Variants in FBXO22 observed in about 807,000 individuals in gnomAD.
The protein encoded by FBXO22 is F-box only protein 22.
A neutral mutation model predicts 37.2 loss-of-function variants in FBXO22; 13 were observed. The observed-to-expected ratio is 0.35, with a 90% confidence interval of 0.23 to 0.56. The LOEUF (loss-of-function observed/expected upper bound fraction) is 0.56, where lower values mean the gene tolerates loss of function less well. Ranked by LOEUF, FBXO22 falls within the 20% of genes least tolerant of loss-of-function variation. The probability of loss-of-function intolerance (pLI) is 0.87; values close to 1 mark genes in which losing one functional copy is unlikely to be tolerated. For synonymous variants in FBXO22, 189 were observed against 189.1 expected (o/e 1.00, Z 0.00); for missense variants, 446 against 509.9 (o/e 0.87, Z 1.21).
At chr15:75,904,361 C>G in intron 1 of FBXO22, 130 bp from the exon 2 acceptor site, 17 of 1,381,150 alleles carry the variant, frequency 1.2e-5, no homozygotes, top group Non-Finnish European at 1.7e-5. Flanking sequence ...TGACTGACAC[C>G]TACCTACCCC....
chr15:75,922,394 G>T (rs879340198), intron 5 of FBXO22, among the ~76,000 whole-genome samples: 1 of 152,168 alleles, frequency 6.6e-6, no homozygotes, highest in Non-Finnish European at 1.5e-5. Flanking sequence ...TTGCTGTAGG[G>T]GTTCTGCCAG....
At position 75,929,876 on chromosome 15, in the gene FBXO22, C is replaced by T. The variant is rs976174365; in HGVS notation, c.629-8C>T. The T allele has an allele frequency of 2.5e-6, 4 of 1,613,882 alleles. No individual in the cohort carries two copies. Among genetic ancestry groups the T allele is most frequent in the Non-Finnish European group, 3.4e-6 (4 of 1,179,852 alleles). The stretch of plus-strand genomic sequence containing the variant: ...TGTCTTTAACTGTTGCTCTTCATTT[C>T]TCTGCAGGTCTTTTAGATAACCCTG... On this transcript the variant is annotated splice_polypyrimidine_tract_variant and splice_region_variant and intron_variant, in intron 5 of 6. Transcript: ENST00000308275.
Position 75,938,610 on chromosome 15 carries a change from A to C in FBXO22, c.*5508A>C, listed in dbSNP as rs942709770. On this transcript the variant is annotated 3_prime_UTR_variant, in exon 7 of 7. Coordinates refer to ENST00000308275, the MANE Select transcript of FBXO22 (RefSeq NM_147188.3). ...GCATTATAAAAAAATTCTGGCAGAG[A>C]AAAGTATAATAAATGAAATTTTCAC... 1 of 152,224 alleles carries C rather than the reference A, an allele frequency of 6.6e-6. No individual in the cohort carries two copies. The highest frequency in any genetic ancestry group is 1.5e-5 in the Non-Finnish European group (1 of 68,038). 9.4% of individuals were successfully genotyped at this position (152,224 alleles called of 1,614,324 possible).
intron 4 of FBXO22, among the ~76,000 whole-genome samples, chr15:75,916,962 T>TA (rs1354966219): frequency 6.6e-6 from 1 of 152,244 alleles, no homozygotes; most frequent in Non-Finnish European, 1.5e-5. Flanking sequence ...AACAGCATGA[T>TA]AAATACCCAT....
chr15:75,906,581 G>C (rs888829751), intron 2 of FBXO22, among the ~76,000 whole-genome samples: 12 of 152,072 alleles, frequency 7.9e-5, no homozygotes, highest in Non-Finnish European at 1.5e-5. Flanking sequence ...CATTCTTAAT[G>C]TATTTAGATA....
chr15:75,911,899 T>C (rs1367363156), intron 2 of FBXO22, among the ~76,000 whole-genome samples: 1 of 148,256 alleles, frequency 6.7e-6, no homozygotes, highest in African/African-American at 2.5e-5. Flanking sequence ...TGGCTGTGGG[T>C]TTGTCATAAA....
intron 1 of FBXO22, 158 bp from the exon 2 acceptor site, chr15:75,904,333 T>C (rs2455895): frequency 1 from 1,181,190 of 1,186,986 alleles, 587,872 homozygotes; most frequent in East Asian, 1. Context: ...ATCTGGCTCT[T>C]CTTCCGAACT....
rs1248826722 is a variant in FBXO22, at chr15:75,917,157, T to A, written c.464-73T>A. ...TAGTGGCTTGTTAGCTTAATGATTATCTTAGTGACCTAAACTGTAGTTATC... is the reference window on the plus strand; with the variant it reads ...TAGTGGCTTGTTAGCTTAATGATTAACTTAGTGACCTAAACTGTAGTTATC... On this transcript the variant is annotated intron_variant, in intron 4 of 6. Coordinates refer to ENST00000308275, the MANE Select transcript of FBXO22 (RefSeq NM_147188.3). 2.7e-6 allele frequency: 3 copies of A among 1,111,926 alleles called. No homozygotes were observed. The African/African-American group carries it at 4.8e-5, about 18-fold the overall frequency. The allele number at this position is 1,111,926 out of a possible 1,614,324, so 68.9% of individuals were successfully genotyped here.
Position 75,940,400 on chromosome 15 carries a change from G to T in FBXO22, c.*7298G>T, listed in dbSNP as rs2030823076. On this transcript the variant is annotated 3_prime_UTR_variant, in exon 7 of 7. Transcript: ENST00000308275. The stretch of plus-strand genomic sequence containing the variant: ...TGGAAAATCTAATGTTAATATGTCA[G>T]TACTACTCAAAGTGATGTGCAGATT... 1 of 150,782 alleles carries T rather than the reference G, an allele frequency of 6.6e-6. No individual in the cohort carries two copies. Among genetic ancestry groups the T allele is most frequent in the Non-Finnish European group, 1.5e-5 (1 of 67,810 alleles). 9.3% of individuals were successfully genotyped at this position (150,782 alleles called of 1,614,324 possible). A position where few individuals can be genotyped will look rare whatever the true frequency, so the allele number is the denominator to read the frequency against.
intron 5 of FBXO22, among the ~76,000 whole-genome samples, chr15:75,925,865 G>A (rs55719276): frequency 0.039 from 5,982 of 152,088 alleles, 209 homozygotes; most frequent in African/African-American, 0.094. Flanking sequence ...ATTCCTAAGA[G>A]GATGGGGCAA....
At chr15:75,922,312 A>T (rs188505990) in intron 5 of FBXO22, among the ~76,000 whole-genome samples, 219 of 152,314 alleles carry the variant, frequency 1.4e-3, no homozygotes, top group African/African-American at 5.1e-3. Flanking sequence ...CCAAAGTGTT[A>T]TGTGGTGCTT....
chr15:75,904,148 C>T (rs1325473191), intron 1 of FBXO22, 45 bp downstream of exon 1: 119 of 1,505,514 alleles, frequency 7.9e-5, no homozygotes, highest in East Asian at 4.0e-4. Context: ...GGGGACACGC[C>T]GTGGGCATGT....
At chr15:75,904,758 C>A in intron 2 of FBXO22, 129 bp downstream of exon 2, 1 of 979,822 alleles carries the variant, frequency 1.0e-6, no homozygotes, top group Non-Finnish European at 1.4e-6. Context: ...ATTTTGTAAA[C>A]ATCAGTTTTA....
At chr15:75,909,907 C>T (rs1051346464) in intron 2 of FBXO22, among the ~76,000 whole-genome samples, 1 of 152,008 alleles carries the variant, frequency 6.6e-6, no homozygotes, top group Admixed American at 6.6e-5. Flanking sequence ...CTAATGCTAT[C>T]CCTTCCCTAA....
In FBXO22 at chr15:75,933,724, T is replaced by C; in HGVS notation, c.*622T>C. On this transcript the variant is annotated 3_prime_UTR_variant, in exon 7 of 7. Coordinates refer to ENST00000308275, the MANE Select transcript of FBXO22 (RefSeq NM_147188.3). ...AAGATTTTTCTTCTTTCCTTAAAAA[T>C]ATTTTTTTTTCACCTAGGTCTAAAT... 3 of 307,126 alleles carry C rather than the reference T, an allele frequency of 9.8e-6. No individual in the cohort carries two copies. Among genetic ancestry groups the C allele is most frequent in the Non-Finnish European group, 1.3e-5 (2 of 158,440 alleles). The allele number at this position is 307,126 out of a possible 1,614,324, so 19.0% of individuals were successfully genotyped here. A position where few individuals can be genotyped will look rare whatever the true frequency, so the allele number is the denominator to read the frequency against.
intron 5 of FBXO22, among the ~76,000 whole-genome samples, chr15:75,928,679 C>T (rs938698161): frequency 6.6e-6 from 1 of 152,080 alleles, no homozygotes; most frequent in East Asian, 1.9e-4. Flanking sequence ...CAACAAACCC[C>T]CATGACACAC....
chr15:75,904,708 C>T (rs988522200), intron 2 of FBXO22, 79 bp downstream of exon 2: 5 of 1,394,308 alleles, frequency 3.6e-6, no homozygotes, highest in Non-Finnish European at 4.7e-6. Context: ...TTTTAAATCC[C>T]AGTTTTGTTA....
At chr15:75,923,676 T>G (rs1900377821) in intron 5 of FBXO22, among the ~76,000 whole-genome samples, 4 of 152,212 alleles carry the variant, frequency 2.6e-5, no homozygotes, top group Non-Finnish European at 5.9e-5. Context: ...AGGATTAGCT[T>G]GATTTAGCCA....
intron 6 of FBXO22, among the ~76,000 whole-genome samples, chr15:75,931,861 C>A (rs940667679): frequency 6.6e-6 from 1 of 152,166 alleles, no homozygotes; most frequent in Non-Finnish European, 1.5e-5. Flanking sequence ...AAAAAAATAA[C>A]ATAATCATAT....
Sources: gnomAD v4.1 joint callset for allele counts (sites outside exome capture counted in the v4.1 genomes callset) on GRCh38, gnomAD v4.1.1 for gene constraint, MANE v1.5 for transcripts, NCBI Gene and HGNC (gene_info 2026-07-23, HGNC 2026-07-21) for gene names.